The following C3orf18 variants were observed in gnomAD, a reference collection of about 807,000 sequenced individuals.
The protein encoded by C3orf18 is chromosome 3 open reading frame 18, also known as uncharacterized protein C3orf18.
Under a neutral mutation model 14.1 loss-of-function variants are expected in C3orf18, and 12 were observed. That is an observed-to-expected ratio of 0.85 (90% CI 0.55 to 1.38). The LOEUF is 1.38. Ranked by LOEUF, C3orf18 falls within the 40% of genes most tolerant of loss-of-function variation. C3orf18 has a pLI of 0.00. For missense variants in C3orf18, 196 were observed against 213.9 expected (o/e 0.92, Z 0.52); for synonymous variants, 82 against 87.9 (o/e 0.93, Z 0.38).
Position 50,559,559 on chromosome 3 carries a change from GGAAGA to G in C3orf18, c.*93_*97del. 1 of 1,444,816 alleles carries G rather than the reference GGAAGA, an allele frequency of 6.9e-7. No individual in the cohort carries two copies. The highest frequency in any genetic ancestry group is 9.1e-7 in the Non-Finnish European group (1 of 1,093,446). The allele number at this position is 1,444,816 out of a possible 1,614,324, so 89.5% of individuals were successfully genotyped here. A position where few individuals can be genotyped will look rare whatever the true frequency, so the allele number is the denominator to read the frequency against. ...GCTCAGCCCTCTTGTGTCTTGGCAGGGAAGATCTTCAGAGTAGGTCTTGACAATCA... is the reference window on the plus strand; with the variant it reads ...GCTCAGCCCTCTTGTGTCTTGGCAGGTCTTCAGAGTAGGTCTTGACAATCA... On this transcript the variant is annotated 3_prime_UTR_variant, in exon 6 of 6. Coordinates refer to ENST00000357203, the MANE Select transcript of C3orf18 (RefSeq NM_016210.5).
chr3:50,562,988 G>C (rs1007201188), intron 3 of C3orf18, among the ~76,000 whole-genome samples: 1 of 152,136 alleles, frequency 6.6e-6, no homozygotes, highest in African/African-American at 2.4e-5. Context: ...CCATCATCCT[G>C]CTCTTCCCTA....
chr3:50,572,008 A>G, upstream of C3orf18: 1 of 1,546,164 alleles, frequency 6.5e-7, no homozygotes, highest in Non-Finnish European at 8.8e-7. Context: ...GGCCCTGGAG[A>G]CATGGTCTTG....
upstream of C3orf18, chr3:50,569,518 G>A (rs931014766): frequency 6.6e-6 from 1 of 151,772 alleles, no homozygotes; most frequent in African/African-American, 2.4e-5. Context: ...ACGTCCGGGC[G>A]TCCAGTTCGG....
chr3:50,558,501 G>C lies in C3orf18; in HGVS notation c.*1156C>G. 1 of 371,194 alleles carries C rather than the reference G, an allele frequency of 2.7e-6. No homozygotes were observed. The highest frequency in any genetic ancestry group is 2.1e-5 in the South Asian group (1 of 47,118). The allele number at this position is 371,194 out of a possible 1,614,324, so 23.0% of individuals were successfully genotyped here. A position where few individuals can be genotyped will look rare whatever the true frequency, so the allele number is the denominator to read the frequency against. ...TAAACACTGAACGGCTCTTCCCATA[G>C]ATGGGATGGAGGTGGGGAATTCAAA... On this transcript the variant is annotated 3_prime_UTR_variant, in exon 6 of 6. Transcript: ENST00000357203.
At chr3:50,572,022 G>A (rs1300577078), upstream of C3orf18, 3 of 1,576,966 alleles carry the variant, frequency 1.9e-6, no homozygotes, top group African/African-American at 4.0e-5. Flanking sequence ...GGTCTTGCCT[G>A]ATACCTTTGG....
upstream of C3orf18, chr3:50,571,391 G>T: frequency 7.6e-7 from 1 of 1,316,796 alleles, no homozygotes. Flanking sequence ...TTGGGGAAGG[G>T]ATATCCAGGT....
intron 3 of C3orf18, among the ~76,000 whole-genome samples, chr3:50,563,360 A>C (rs1700103120): frequency 6.8e-6 from 1 of 146,534 alleles, no homozygotes. Context: ...CCCTTGCCCC[A>C]AGCCCTCCTC....
At chr3:50,560,860 T>G (rs1575828543) in intron 5 of C3orf18, 57 bp downstream of exon 5, 5 of 1,520,708 alleles carry the variant, frequency 3.3e-6, no homozygotes, top group Non-Finnish European at 3.6e-6. Context: ...GGAGGGAGGG[T>G]GAGGGTGGAG....
chr3:50,559,696 C>A lies in C3orf18; in HGVS notation c.450G>T (p.Arg150=). The change falls in exon 6 of 6, where the codon CGG becomes CGT. Residue 150 remains arginine, a synonymous_variant. Transcript: ENST00000357203. The stretch of plus-strand genomic sequence containing the variant: ...CATTGGCCACATCGGTAAACACCAG[C>A]CGGCTGGGTCTCTGCAGTGGGCCCT... The part of the protein sequence containing the change: ...PSQGPLQRPS[R]LVFTDVANAI... The A allele has an allele frequency of 6.3e-7, 1 of 1,596,156 alleles. No homozygotes were observed.
intron 1 of C3orf18, 149 bp downstream of exon 1, chr3:50,567,314 G>A (rs777176720): frequency 3.3e-5 from 5 of 152,422 alleles, no homozygotes; most frequent in African/African-American, 9.6e-5. Context: ...AGGAAACCGG[G>A]GTAAAAGGGG....
chr3:50,571,246 T>A (rs1700917039), upstream of C3orf18: 2 of 1,613,490 alleles, frequency 1.2e-6, no homozygotes, highest in Admixed American at 1.7e-5. Flanking sequence ...GGTCAGCCAC[T>A]GGACTGGGGT....
rs573820593 is a variant in C3orf18 at position 50,563,298 on chromosome 3, T to C, written c.235-1551A>G. On this transcript the variant is annotated intron_variant, in intron 3 of 5. Transcript: ENST00000357203. ...TCTTCTGGCCTAGCCCCTGCCACCCTGAGCAAGTGGATCCAGCCCCAGCCC... is the reference window on the plus strand; with the variant it reads ...TCTTCTGGCCTAGCCCCTGCCACCCCGAGCAAGTGGATCCAGCCCCAGCCC... 4.7e-4 allele frequency among the ~76,000 whole-genome samples: 72 copies of C among 152,196 alleles called. 2 individuals are homozygous for C. The South Asian group carries it at 0.014, about 31-fold the overall frequency.
At position 50,559,614 on chromosome 3, in the gene C3orf18, C is replaced by A; in HGVS notation, c.*43G>T. The stretch of plus-strand genomic sequence containing the variant: ...AGGGAGTGGGGAGCTCTGTAGGCAC[C>A]GTGATGGGTCTCTATCAGAAGTCCA... On this transcript the variant is annotated 3_prime_UTR_variant, in exon 6 of 6. Coordinates refer to ENST00000357203, the MANE Select transcript of C3orf18 (RefSeq NM_016210.5). 3 of 1,505,504 alleles carry A rather than the reference C, an allele frequency of 2.0e-6. No homozygotes were observed. The highest frequency in any genetic ancestry group is 2.7e-6 in the Non-Finnish European group (3 of 1,120,518). 93.3% of individuals were successfully genotyped at this position (1,505,504 alleles called of 1,614,324 possible).
upstream of C3orf18, chr3:50,570,960 A>G: frequency 1.7e-6 from 1 of 571,510 alleles, no homozygotes; most frequent in Non-Finnish European, 3.0e-6. Context: ...TGAGGACCAG[A>G]GCCATTTTGG....
chr3:50,559,953 T>C (rs1699865345), intron 5 of C3orf18, among the ~76,000 whole-genome samples: 2 of 152,186 alleles, frequency 1.3e-5, no homozygotes, highest in Admixed American at 6.5e-5. Flanking sequence ...GCACTTACTG[T>C]GTTGATTTAA....
rs1699982666 is a variant in C3orf18 at position 50,561,754 on chromosome 3, G to A, written c.235-7C>T. On this transcript the variant is annotated splice_region_variant and splice_polypyrimidine_tract_variant and intron_variant, in intron 3 of 5. Transcript: ENST00000357203. ...TCTTCCTGATGTACAAAACCTGCAAGAGAAGGAGCAGCATCAAATGGCAAG... is the reference window on the plus strand; with the variant it reads ...TCTTCCTGATGTACAAAACCTGCAAAAGAAGGAGCAGCATCAAATGGCAAG... 2 of 1,613,724 alleles carry A rather than the reference G, an allele frequency of 1.2e-6. No homozygotes were observed. Among genetic ancestry groups the A allele is most frequent in the Admixed American group, 1.7e-5 (1 of 60,004 alleles).
Position 50,559,232 on chromosome 3 carries a change from GCTCC to G in C3orf18, c.*421_*424del. Reference sequence around the variant, plus strand: ...GTTTCCTCTCCCCACCCCAGAGGAGGCTCCAGATTCCAAAAAACAGGTCTCTCCC... The same window carrying G: ...GTTTCCTCTCCCCACCCCAGAGGAGGAGATTCCAAAAAACAGGTCTCTCCC... On this transcript the variant is annotated 3_prime_UTR_variant, in exon 6 of 6. Transcript: ENST00000357203. The G allele has an allele frequency of 1.6e-6, 2 of 1,281,006 alleles. No individual in the cohort carries two copies. The highest frequency in any genetic ancestry group is 2.4e-5 in the Admixed American group (1 of 41,636). 79.4% of individuals were successfully genotyped at this position (1,281,006 alleles called of 1,614,324 possible).
upstream of C3orf18, chr3:50,570,831 G>A: frequency 5.7e-6 from 2 of 351,082 alleles, 1 homozygote; most frequent in Admixed American, 9.4e-5. Flanking sequence ...GAGTCAAGGG[G>A]GTGTCAGAGC....
chr3:50,571,865 C>T (rs1419507839), upstream of C3orf18: 26 of 1,513,244 alleles, frequency 1.7e-5, no homozygotes, highest in Non-Finnish European at 2.2e-5. Flanking sequence ...CCTCCCCTAT[C>T]CCCACCAAGT....
Sources: allele counts gnomAD v4.1 joint callset (sites outside exome capture counted in the v4.1 genomes callset), GRCh38; gene constraint gnomAD v4.1.1; transcripts MANE v1.5; gene names NCBI Gene and HGNC (gene_info 2026-07-23, HGNC 2026-07-21).